The following PAFAH1B1 variants were observed in gnomAD, a reference collection of about 807,000 sequenced individuals.
PAFAH1B1 encodes platelet activating factor acetylhydrolase 1b regulatory subunit 1.
Under a neutral mutation model 57.5 loss-of-function variants are expected in PAFAH1B1, and 2 were observed. That is an observed-to-expected ratio of 0.03 (90% confidence interval 0.01 to 0.11). PAFAH1B1 has a LOEUF of 0.11. Among genes scored for constraint, PAFAH1B1 ranks in the 10% least tolerant of loss-of-function variants. The pLI is 1.00. For synonymous variants in PAFAH1B1, 152 were observed against 169.6 expected (o/e 0.90, Z 0.81); for missense variants, 257 against 512.0 (o/e 0.50, Z 4.81).
Position 2,682,899 on chromosome 17 carries a change from A to G in PAFAH1B1, c.*1097A>G, listed in dbSNP as rs2069406262. 2 of 152,772 alleles carry G rather than the reference A, an allele frequency of 1.3e-5. No individual in the cohort carries two copies. The highest frequency in any genetic ancestry group is 4.1e-4 in the South Asian group (2 of 4,830). 9.5% of individuals were successfully genotyped at this position (152,772 alleles called of 1,614,324 possible). On this transcript the variant is annotated 3_prime_UTR_variant, in exon 11 of 11. Coordinates refer to ENST00000397195, the MANE Select transcript of PAFAH1B1 (RefSeq NM_000430.4). ...CTGTTTTCACCTTTTGTTTATATGTAAATGTTTGTAAGTATATGGGCCTAT... is the reference window on the plus strand; with the variant it reads ...CTGTTTTCACCTTTTGTTTATATGTGAATGTTTGTAAGTATATGGGCCTAT...
chr17:2,681,452 G>GT (rs1338223372), intron 10 of PAFAH1B1: 1 of 318,988 alleles, frequency 3.1e-6, no homozygotes, highest in African/African-American at 2.1e-5. Context: ...ATTAAAAATT[G>GT]TATCTGGCTC....
intron 1 of PAFAH1B1, 25 bp downstream of exon 1, chr17:2,594,031 T>G (rs986993904): frequency 1.5e-5 from 6 of 395,454 alleles, no homozygotes; most frequent in African/African-American, 1.3e-4. Flanking sequence ...GTCTGCGCCC[T>G]CCCCTCTGTC....
chr17:2,657,923 T>A (rs2068959265), intron 2 of PAFAH1B1, among the ~76,000 whole-genome samples: 2 of 152,232 alleles, frequency 1.3e-5, no homozygotes, highest in Non-Finnish European at 2.9e-5. Context: ...CTTTACATTT[T>A]AAAAATATAA....
intron 1 of PAFAH1B1, among the ~76,000 whole-genome samples, chr17:2,626,562 C>A (rs112160413): frequency 5.5e-5 from 3 of 54,616 alleles, no homozygotes; most frequent in East Asian, 1.1e-3. Flanking sequence ...TTCCCCCCCC[C>A]CCCCCCCCCG....
chr17:2,621,072 A>G (rs1597525443), intron 1 of PAFAH1B1, among the ~76,000 whole-genome samples: 1 of 152,212 alleles, frequency 6.6e-6, no homozygotes, highest in Non-Finnish European at 1.5e-5. Flanking sequence ...CATACATATT[A>G]ATAAAAATCT....
At chr17:2,672,879 C>T (rs2069202813) in intron 7 of PAFAH1B1, 122 bp downstream of exon 7, 3 of 704,434 alleles carry the variant, frequency 4.3e-6, no homozygotes, top group African/African-American at 3.5e-5. Flanking sequence ...ACCAGCCTGG[C>T]CAACATGATG....
intron 9 of PAFAH1B1, among the ~76,000 whole-genome samples, chr17:2,679,535 TG>T (rs1567562992): frequency 1.4e-5 from 2 of 144,906 alleles, no homozygotes; most frequent in African/African-American, 5.3e-5. Flanking sequence ...ATTGGATGGA[TG>T]GATGGATGGA....
intron 2 of PAFAH1B1, among the ~76,000 whole-genome samples, chr17:2,644,712 A>G (rs1043999960): frequency 6.6e-6 from 1 of 152,152 alleles, no homozygotes; most frequent in Non-Finnish European, 1.5e-5. Flanking sequence ...GTACCTTTGT[A>G]TTATTTGGAG....
upstream of PAFAH1B1, among the ~76,000 whole-genome samples, chr17:2,593,502 G>A (rs958625645): frequency 1.3e-5 from 2 of 151,200 alleles, no homozygotes; most frequent in Non-Finnish European, 3.0e-5. Context: ...AGAAGGCAGC[G>A]CGGCCCCGGC....
intron 1 of PAFAH1B1, among the ~76,000 whole-genome samples, chr17:2,633,779 T>C (rs1271719449): frequency 6.6e-6 from 1 of 152,060 alleles, no homozygotes; most frequent in Non-Finnish European, 1.5e-5. Context: ...ATTGCTTCCT[T>C]GAAATACTTT....
At chr17:2,595,421 C>CTTTTTT (rs71377513) in intron 1 of PAFAH1B1, among the ~76,000 whole-genome samples, 4,856 of 123,852 alleles carry the variant, frequency 0.039, 249 homozygotes, top group African/African-American at 0.083. Context: ...GGAGTGTTTG[C>CTTTTTT]TTTTTTTTTT....
intron 1 of PAFAH1B1, chr17:2,614,021 G>GTTTGT (rs2068304110): frequency 2.1e-5 from 2 of 96,972 alleles, no homozygotes; most frequent in African/African-American, 8.9e-5. Context: ...TATATATTGG[G>GTTTGT]TTTTTTTTTT....
At chr17:2,672,534 C>T in intron 6 of PAFAH1B1, 121 bp from the exon 7 acceptor site, 1 of 705,176 alleles carries the variant, frequency 1.4e-6, no homozygotes, top group Non-Finnish European at 2.5e-6. Flanking sequence ...GTATAAAATC[C>T]AGTGTATTTA....
intron 2 of PAFAH1B1, among the ~76,000 whole-genome samples, chr17:2,648,409 G>A (rs566020198): frequency 6.6e-6 from 1 of 152,120 alleles, no homozygotes; most frequent in South Asian, 2.1e-4. Flanking sequence ...GGGCATGGTG[G>A]CTCACACCTG....
At chr17:2,676,302 CG>C in intron 8 of PAFAH1B1, 1 of 506,344 alleles carries the variant, frequency 2.0e-6, no homozygotes. Flanking sequence ...CGCTTGAACC[CG>C]GGAGGCGGAG....
At chr17:2,602,861 G>T (rs1359740023) in intron 1 of PAFAH1B1, among the ~76,000 whole-genome samples, 1 of 152,224 alleles carries the variant, frequency 6.6e-6, no homozygotes, top group African/African-American at 2.4e-5. Flanking sequence ...TGACAGCTTT[G>T]TAAGTAGCAG....
At chr17:2,632,334 T>G (rs1240428139) in intron 1 of PAFAH1B1, among the ~76,000 whole-genome samples, 2 of 152,252 alleles carry the variant, frequency 1.3e-5, no homozygotes, top group Non-Finnish European at 2.9e-5. Context: ...GTGTTCAAAT[T>G]TTCCCAAGTT....
At position 2,649,444 on chromosome 17, in the gene PAFAH1B1, C is replaced by T. The variant is rs149140448; in HGVS notation, c.32+11124C>T. On this transcript the variant is annotated intron_variant, in intron 2 of 10. Transcript: ENST00000397195. ...AAAAATCTAGCCAGCCGTGGTGGTG[C>T]GCGCCTGTAGTCCCACATACTTGGG... Among the ~76,000 whole-genome samples, 610 of 151,756 alleles carry T rather than the reference C, an allele frequency of 4.0e-3. 7 individuals are homozygous for T. The highest frequency in any genetic ancestry group is 0.014 in the African/African-American group (583 of 41,372).
chr17:2,605,511 T>A (rs1288403066), intron 1 of PAFAH1B1, among the ~76,000 whole-genome samples: 1 of 152,352 alleles, frequency 6.6e-6, no homozygotes, highest in East Asian at 1.9e-4. Flanking sequence ...AAGACTTCTC[T>A]TACATGTCCT....
Sources: allele counts gnomAD v4.1 joint callset (sites outside exome capture counted in the v4.1 genomes callset), GRCh38; gene constraint gnomAD v4.1.1; transcripts MANE v1.5; gene names NCBI Gene and HGNC (gene_info 2026-07-23, HGNC 2026-07-21).